RYK: variants seen among roughly 807,000 people sequenced by gnomAD.
RYK encodes the protein inactive tyrosine-protein kinase RYK.
In RYK, 21 loss-of-function variants were observed where a neutral mutation model predicts 70.2. The ratio of observed to expected loss-of-function variants is 0.30; its 90% CI spans 0.21 to 0.43. The LOEUF (loss-of-function observed/expected upper bound fraction) is 0.43, where lower values mean the gene tolerates loss of function less well. RYK is among the 20% of genes least tolerant of loss of function. The probability of loss-of-function intolerance (pLI) is 1.00; values close to 1 mark genes in which losing one functional copy is unlikely to be tolerated. For synonymous variants in RYK, 267 were observed against 278.0 expected, an observed-to-expected ratio of 0.96 and a Z score of 0.39; for missense variants, 604 against 753.3, an observed-to-expected ratio of 0.80 and a Z score of 2.32.
intron 2 of RYK, among the ~76,000 whole-genome samples, chr3:134,212,021 G>C (rs1306295541): frequency 6.6e-6 from 1 of 152,222 alleles, no homozygotes; most frequent in Non-Finnish European, 1.5e-5. Flanking sequence ...GGGCCTCCTT[G>C]TGGCTGGTGG....
At chr3:134,212,941 T>C (rs575682478) in intron 2 of RYK, among the ~76,000 whole-genome samples, 6 of 150,972 alleles carry the variant, frequency 4.0e-5, no homozygotes, top group African/African-American at 1.5e-4. Flanking sequence ...GATAGGTACG[T>C]AAACAACTGT....
Position 134,173,270 on chromosome 3 carries a change from ACT to A in RYK, c.1575+2337_1575+2338del, listed in dbSNP as rs774682112. 7.4e-5 allele frequency among the ~76,000 whole-genome samples: 11 copies of A among 148,274 alleles called. No individual in the cohort carries two copies. The South Asian group carries it at 1.4e-3, about 19-fold the overall frequency. ...CACTCCAGTCTGGTGATAGAGCGAG[ACT>A]CTGTCTCAAAAAAAAAAAAAATTTA... On this transcript the variant is annotated intron_variant, in intron 13 of 14. Coordinates refer to ENST00000623711, the MANE Select transcript of RYK (RefSeq NM_002958.4).
In RYK at chr3:134,191,964, G is replaced by C; in HGVS notation, c.900C>G (p.Thr300=). 6.2e-7 allele frequency: 1 copy of C among 1,612,864 alleles called. No homozygotes were observed. The highest frequency in any genetic ancestry group is 1.1e-5 in the South Asian group (1 of 90,818). The change falls in exon 8 of 15, where the codon ACC becomes ACG. Residue 300 remains threonine, a synonymous_variant. Coordinates refer to ENST00000623711, the MANE Select transcript of RYK (RefSeq NM_002958.4). ...NNATPITSYP[T]LRIEKNDLRS... is the part of the protein sequence containing the mutation. ...TCAAGTCGTTCTTCTCTATCCGCAAGGTAGGATAACCTAAGGAGCCAACAA... is the reference window on the plus strand; with the variant it reads ...TCAAGTCGTTCTTCTCTATCCGCAACGTAGGATAACCTAAGGAGCCAACAA...
At position 134,183,077 on chromosome 3, in the gene RYK, T is replaced by A; in HGVS notation, c.1103-6A>T. The stretch of plus-strand genomic sequence containing the variant: ...CTGAATTTCAGAAGCTTGATCTATA[T>A]ATAAAGAAAAGAAAATGTCTTGAAT... On this transcript the variant is annotated splice_region_variant and splice_polypyrimidine_tract_variant and intron_variant, in intron 9 of 14. Coordinates refer to ENST00000623711, the MANE Select transcript of RYK (RefSeq NM_002958.4). The A allele has an allele frequency of 1.3e-6, 2 of 1,545,836 alleles. No homozygotes were observed. The highest frequency in any genetic ancestry group is 1.4e-5 in the African/African-American group (1 of 73,064).
chr3:134,188,601 C>CT (rs1478892601), intron 9 of RYK, among the ~76,000 whole-genome samples: 1 of 152,164 alleles, frequency 6.6e-6, no homozygotes, highest in Non-Finnish European at 1.5e-5. Context: ...TGAGTAATAT[C>CT]TAAGAAATGT....
At chr3:134,242,883 A>G (rs1043664445) in intron 1 of RYK, among the ~76,000 whole-genome samples, 5 of 152,202 alleles carry the variant, frequency 3.3e-5, no homozygotes, top group Non-Finnish European at 5.9e-5. Context: ...CAAACCCACA[A>G]TTGCACAATG....
chr3:134,228,091 C>G (rs959120284), intron 1 of RYK, among the ~76,000 whole-genome samples: 1 of 152,166 alleles, frequency 6.6e-6, no homozygotes, highest in East Asian at 1.9e-4. Context: ...AAGTATGAGA[C>G]CAGTCTGGGC....
At chr3:134,186,842 GAATAC>G (rs532246388) in intron 9 of RYK, among the ~76,000 whole-genome samples, 19 of 151,756 alleles carry the variant, frequency 1.3e-4, no homozygotes, top group East Asian at 1.9e-4. Context: ...ACAGTCTATA[GAATAC>G]TTACAAACCC....
intron 8 of RYK, among the ~76,000 whole-genome samples, chr3:134,189,157 A>G (rs796580779): frequency 3.3e-5 from 5 of 152,370 alleles, no homozygotes; most frequent in African/African-American, 1.2e-4. Context: ...AACTAAGTAT[A>G]TGAAAATTTT....
chr3:134,194,032 G>A (rs1012583963), intron 7 of RYK, among the ~76,000 whole-genome samples: 1 of 152,156 alleles, frequency 6.6e-6, no homozygotes, highest in East Asian at 1.9e-4. Flanking sequence ...TCCCTCAATG[G>A]CAGAGTTCCC....
chr3:134,213,315 C>T (rs2014457090), intron 2 of RYK, among the ~76,000 whole-genome samples: 1 of 152,114 alleles, frequency 6.6e-6, no homozygotes, highest in Non-Finnish European at 1.5e-5. Flanking sequence ...TCTGAGTTTC[C>T]ATATTTTGTA....
intron 1 of RYK, among the ~76,000 whole-genome samples, chr3:134,245,223 C>T (rs1321398372): frequency 3.3e-5 from 5 of 152,156 alleles, no homozygotes; most frequent in African/African-American, 1.2e-4. Context: ...CTACAACCAC[C>T]ATTAACTACT....
intron 1 of RYK, among the ~76,000 whole-genome samples, chr3:134,246,343 C>G (rs73215387): frequency 0.049 from 5,214 of 105,472 alleles, 191 homozygotes; most frequent in East Asian, 0.18. Flanking sequence ...CACACACACA[C>G]AGAGAGAGAG....
chr3:134,192,631 T>C (rs942360984), intron 7 of RYK, among the ~76,000 whole-genome samples: 3 of 152,116 alleles, frequency 2.0e-5, no homozygotes, highest in Non-Finnish European at 4.4e-5. Context: ...CAGCCACAAA[T>C]TAGTTTTCAC....
intron 1 of RYK, among the ~76,000 whole-genome samples, chr3:134,224,601 G>A (rs1304861948): frequency 2.6e-5 from 4 of 151,666 alleles, no homozygotes; most frequent in African/African-American, 7.3e-5. Context: ...TAACTCCCCC[G>A]GGGAAAGGGA....
chr3:134,159,853 C>T (rs895537037), intron 13 of RYK, among the ~76,000 whole-genome samples: 1 of 152,138 alleles, frequency 6.6e-6, no homozygotes, highest in African/African-American at 2.4e-5. Context: ...AACTTCCAAC[C>T]TTGCTTGAGT....
intron 1 of RYK, among the ~76,000 whole-genome samples, chr3:134,244,704 T>C (rs2015410312): frequency 6.6e-6 from 1 of 152,168 alleles, no homozygotes; most frequent in Admixed American, 6.5e-5. Context: ...CCGTGTGCCC[T>C]ACTACTACCA....
At chr3:134,178,168 C>T (rs971486122) in intron 10 of RYK, 95 bp from the exon 11 acceptor site, 1 of 866,336 alleles carries the variant, frequency 1.2e-6, no homozygotes. Flanking sequence ...AACAAAATCC[C>T]CAAAATACTT....
intron 1 of RYK, among the ~76,000 whole-genome samples, chr3:134,225,178 T>C (rs568327076): frequency 7.9e-5 from 12 of 152,256 alleles, no homozygotes; most frequent in African/African-American, 2.9e-4. Context: ...GAATGGAGGA[T>C]TGGTGGTGCT....
Sources: allele counts gnomAD v4.1 joint callset (sites outside exome capture counted in the v4.1 genomes callset), GRCh38; gene constraint gnomAD v4.1.1; transcripts MANE v1.5; gene names NCBI Gene and HGNC (gene_info 2026-07-23, HGNC 2026-07-21).